Variants in ITSN2 observed in about 807,000 individuals in gnomAD.
ITSN2 encodes intersectin-2.
In ITSN2, 156 loss-of-function variants were observed where a neutral mutation model predicts 243.7. That is an observed-to-expected ratio of 0.64 (90% CI 0.56 to 0.73). The LOEUF is 0.73. Ranked by LOEUF, ITSN2 falls within the 30% of genes least tolerant of loss-of-function variation. The probability of loss-of-function intolerance (pLI) is 0.00; values close to 1 mark genes in which losing one functional copy is unlikely to be tolerated. For synonymous variants in ITSN2, 703 were observed against 699.9 expected, an observed-to-expected ratio of 1.00 and a Z score of -0.07; for missense variants, 1,801 against 1,996.1, an observed-to-expected ratio of 0.90 and a Z score of 1.86.
At chr2:24,266,460 T>A (rs1676665294) in intron 20 of ITSN2, among the ~76,000 whole-genome samples, 1 of 152,180 alleles carries the variant, frequency 6.6e-6, no homozygotes. Flanking sequence ...TATGTCTGGC[T>A]ATTTATTACA....
At chr2:24,356,605 A>T (rs1688473455) in intron 1 of ITSN2, among the ~76,000 whole-genome samples, 2 of 152,160 alleles carry the variant, frequency 1.3e-5, no homozygotes, top group South Asian at 2.1e-4. Flanking sequence ...TGATCATCAG[A>T]GAACTGCAAA....
intron 1 of ITSN2, among the ~76,000 whole-genome samples, chr2:24,330,951 G>C (rs1319119286): frequency 6.6e-6 from 1 of 151,614 alleles, no homozygotes; most frequent in Non-Finnish European, 1.5e-5. Flanking sequence ...ATTTTTAGCA[G>C]AGATGGCGTT....
chr2:24,312,844 A>T (rs1683419800), intron 4 of ITSN2, among the ~76,000 whole-genome samples: 1 of 152,176 alleles, frequency 6.6e-6, no homozygotes, highest in African/African-American at 2.4e-5. Context: ...AAGAAGGAGC[A>T]GGGGAAGCGA....
intron 20 of ITSN2, among the ~76,000 whole-genome samples, chr2:24,267,474 T>TACAC (rs202200193): frequency 1.3e-5 from 2 of 151,562 alleles, no homozygotes; most frequent in Non-Finnish European, 2.9e-5. Context: ...CATACATACA[T>TACAC]ACACACACAC....
At chr2:24,223,850 GAAAGAAAGAAAGGAAAGAAAGAAAAA>G (rs199827860) in intron 29 of ITSN2, among the ~76,000 whole-genome samples, 95,951 of 130,250 alleles carry the variant, frequency 0.74, 31,433 homozygotes, top group East Asian at 0.81. Context: ...ACAAGAAAAA[GAAAGAAAGAAAGGAAAGAAAGAAAAA>G]AAAGAAAGAA....
chr2:24,221,140 G>A (rs949557820), intron 29 of ITSN2, 74 bp from the exon 30 acceptor site: 1 of 1,485,742 alleles, frequency 6.7e-7, no homozygotes, highest in Non-Finnish European at 9.1e-7. Flanking sequence ...GTCAGCAGAT[G>A]TGCTGGGTTT....
At chr2:24,329,600 G>A (rs529424715) in intron 1 of ITSN2, among the ~76,000 whole-genome samples, 1 of 152,260 alleles carries the variant, frequency 6.6e-6, no homozygotes, top group African/African-American at 2.4e-5. Flanking sequence ...GACCAGTTAG[G>A]AAGTGAAGGC....
At chr2:24,325,236 C>T (rs530188517) in intron 2 of ITSN2, among the ~76,000 whole-genome samples, 1 of 151,820 alleles carries the variant, frequency 6.6e-6, no homozygotes, top group Non-Finnish European at 1.5e-5. Flanking sequence ...TAGTGAGACC[C>T]CCATGTCTAC....
chr2:24,268,504 G>A (rs149041728), intron 20 of ITSN2, among the ~76,000 whole-genome samples: 20 of 152,278 alleles, frequency 1.3e-4, no homozygotes, highest in Non-Finnish European at 2.6e-4. Flanking sequence ...GGTTTGACAA[G>A]GAACATGAAG....
intron 2 of ITSN2, among the ~76,000 whole-genome samples, chr2:24,318,114 T>C (rs1684135348): frequency 6.6e-6 from 1 of 152,148 alleles, no homozygotes; most frequent in Admixed American, 6.5e-5. Flanking sequence ...ATGCCCACAC[T>C]GTCATGGCCC....
In ITSN2 at chr2:24,319,155, A is replaced by G. The variant is rs547157899; in HGVS notation, c.32-3931T>C. Among the ~76,000 whole-genome samples, 293 of 152,260 alleles carry G rather than the reference A, an allele frequency of 1.9e-3. 1 individual carries two copies. Among genetic ancestry groups the G allele is most frequent in the African/African-American group, 6.5e-3 (272 of 41,562 alleles). On this transcript the variant is annotated intron_variant, in intron 2 of 39. Transcript: ENST00000355123. ...GGGGACCAGTGATCTAGAGGATTCAAAGTTAATTCTGGTTAGGGTTTATGA... is the reference window on the plus strand; with the variant it reads ...GGGGACCAGTGATCTAGAGGATTCAGAGTTAATTCTGGTTAGGGTTTATGA...
rs1478882453 is a variant in ITSN2 at position 24,209,890 on chromosome 2, C to T, written c.4401G>A (p.Gln1467=). 1.9e-6 allele frequency: 3 copies of T among 1,614,118 alleles called. No homozygotes were observed. The highest frequency in any genetic ancestry group is 1.7e-5 in the Admixed American group (1 of 60,014). ...DFLLLTYMVK[Q]FAVSSGSEKL... Reference sequence around the variant, plus strand: ...TCTCAGAGCCAGAGGAAACAGCAAACTGCTTGACCATGTAGGTAAGAAGCA... The same window carrying T: ...TCTCAGAGCCAGAGGAAACAGCAAATTGCTTGACCATGTAGGTAAGAAGCA... Residue 1467 remains glutamine, a synonymous_variant, in exon 35 of 40, where the codon CAG becomes CAA. Coordinates refer to ENST00000355123, the MANE Select transcript of ITSN2 (RefSeq NM_006277.3).
Position 24,246,290 on chromosome 2 carries a change from G to T in ITSN2, c.3416C>A (p.Ala1139Glu). Residue 1139 changes from alanine (A) to glutamate (E), a missense_variant, in exon 29 of 40, where the codon GCA becomes GAA. This residue lies in a region of ITSN2 where 928 missense variants were observed against 1,065.4 expected (regional missense o/e 0.87). Coordinates refer to ENST00000355123, the MANE Select transcript of ITSN2 (RefSeq NM_006277.3). ...ACTGAGCTCATCTTCATTATTTGCT[G>T]CATAGTCATACATAGCAATCACCTG... ...VCQVIAMYDYAANNEDELSFS... is the reference protein window; with the variant it reads ...VCQVIAMYDYEANNEDELSFS... 6.2e-7 allele frequency: 1 copy of T among 1,610,348 alleles called. No homozygotes were observed. The highest frequency in any genetic ancestry group is 8.5e-7 in the Non-Finnish European group (1 of 1,177,228).
intron 2 of ITSN2, chr2:24,326,751 C>A (rs1213208197): frequency 5.9e-6 from 1 of 168,996 alleles, no homozygotes; most frequent in Non-Finnish European, 1.5e-5. Context: ...CATGACCTCA[C>A]CACACAGAAT....
intron 29 of ITSN2, among the ~76,000 whole-genome samples, chr2:24,228,468 ATAATAC>A (rs1671261086): frequency 4.6e-5 from 7 of 152,226 alleles, no homozygotes; most frequent in African/African-American, 1.4e-4. Context: ...TAAAACAACA[ATAATAC>A]TAAGTTGGCA....
chr2:24,314,776 A>G (rs1358043190), intron 3 of ITSN2, among the ~76,000 whole-genome samples: 1 of 152,226 alleles, frequency 6.6e-6, no homozygotes, highest in Non-Finnish European at 1.5e-5. Context: ...ACAGAGGGCT[A>G]GCATTAGGAA....
chr2:24,340,675 G>A (rs184160037), intron 1 of ITSN2, among the ~76,000 whole-genome samples: 16 of 151,888 alleles, frequency 1.1e-4, no homozygotes, highest in Admixed American at 8.5e-4. Flanking sequence ...TATGTAGCCC[G>A]TTGTGTCTCT....
chr2:24,298,959 T>C (rs1574211343), intron 12 of ITSN2, 145 bp from the exon 13 acceptor site: 1 of 584,280 alleles, frequency 1.7e-6, no homozygotes, highest in Non-Finnish European at 2.9e-6. Context: ...TCTAGTTTTA[T>C]TAATGGGCTT....
At chr2:24,288,852 C>T (rs1381695432) in intron 15 of ITSN2, among the ~76,000 whole-genome samples, 1 of 152,134 alleles carries the variant, frequency 6.6e-6, no homozygotes, top group Non-Finnish European at 1.5e-5. Context: ...CTGGTAGCCA[C>T]CATTTTATTC....
Sources: allele counts gnomAD v4.1 joint callset (sites outside exome capture counted in the v4.1 genomes callset), GRCh38; gene constraint gnomAD v4.1.1; regional missense constraint gnomAD v4.1.1; transcripts MANE v1.5; gene names NCBI Gene and HGNC (gene_info 2026-07-23, HGNC 2026-07-21).